NRXN1: variants seen among roughly 807,000 people sequenced by gnomAD.
NRXN1 encodes the protein neurexin-1.
NRXN1 carries 39 observed loss-of-function variants against 150.9 expected under a neutral mutation model. That is an observed-to-expected ratio of 0.26 (90% CI 0.20 to 0.34). The LOEUF (loss-of-function observed/expected upper bound fraction) is 0.34, where lower values mean the gene tolerates loss of function less well. Among genes scored for constraint, NRXN1 ranks in the 10% least tolerant of loss-of-function variants. The pLI, the probability that NRXN1 is intolerant of heterozygous loss-of-function variation, is 1.00. For synonymous variants in NRXN1, 924 were observed against 757.0 expected (o/e 1.22, Z -3.62); for missense variants, 1,815 against 1,949.9 (o/e 0.93, Z 1.30).
intron 5 of NRXN1, among the ~76,000 whole-genome samples, chr2:50,635,781 G>A (rs972597966): frequency 6.6e-6 from 1 of 152,162 alleles, no homozygotes. Flanking sequence ...TGGGAAGTGG[G>A]GAGTTAGAAG....
At chr2:50,729,031 T>C (rs1280400089) in intron 5 of NRXN1, among the ~76,000 whole-genome samples, 2 of 152,174 alleles carry the variant, frequency 1.3e-5, no homozygotes, top group Non-Finnish European at 2.9e-5. Flanking sequence ...AAGAATAATA[T>C]TATTTTACTA....
chr2:50,219,372 AG>A (rs2063636800), intron 18 of NRXN1, among the ~76,000 whole-genome samples: 1 of 149,460 alleles, frequency 6.7e-6, no homozygotes, highest in South Asian at 2.1e-4. Flanking sequence ...AAAAAAAAAA[AG>A]AGCTCTTAGA....
At chr2:50,933,094 A>G (rs1441531310) in intron 2 of NRXN1, among the ~76,000 whole-genome samples, 1 of 152,122 alleles carries the variant, frequency 6.6e-6, no homozygotes, top group East Asian at 1.9e-4. Context: ...GTCCTACTTT[A>G]AGAGCAAAAT....
intron 5 of NRXN1, among the ~76,000 whole-genome samples, chr2:50,688,255 G>C (rs1691546100): frequency 6.6e-6 from 1 of 152,154 alleles, no homozygotes; most frequent in African/African-American, 2.4e-5. Flanking sequence ...GGGTCCCCAA[G>C]TGCTTGTGGC....
chr2:50,611,780 G>C (rs949648828), intron 8 of NRXN1, among the ~76,000 whole-genome samples: 6 of 152,172 alleles, frequency 3.9e-5, no homozygotes, highest in Non-Finnish European at 8.8e-5. Context: ...TGTGCAGGCT[G>C]CCAGAGTAGG....
At chr2:49,923,322 T>A (rs759789145) in intron 22 of NRXN1, among the ~76,000 whole-genome samples, 2 of 152,152 alleles carry the variant, frequency 1.3e-5, no homozygotes, top group African/African-American at 2.4e-5. Context: ...ATTTTTTCCT[T>A]GTGAATTGTG....
intron 18 of NRXN1, among the ~76,000 whole-genome samples, chr2:50,234,109 T>C (rs971960131): frequency 1.3e-5 from 2 of 152,068 alleles, no homozygotes; most frequent in African/African-American, 4.8e-5. Context: ...TATTATTCCA[T>C]GCACCCAACA....
At chr2:50,946,799 C>T (rs1217898799) in intron 2 of NRXN1, among the ~76,000 whole-genome samples, 1 of 152,150 alleles carries the variant, frequency 6.6e-6, no homozygotes, top group East Asian at 1.9e-4. Flanking sequence ...CAGGTATCTA[C>T]TGGAGCACTA....
chr2:50,056,758 A>T (rs1693702527), intron 19 of NRXN1, among the ~76,000 whole-genome samples: 1 of 152,110 alleles, frequency 6.6e-6, no homozygotes, highest in Non-Finnish European at 1.5e-5. Context: ...CTTATAAGTG[A>T]TTTTATATAA....
intron 21 of NRXN1, among the ~76,000 whole-genome samples, chr2:49,968,709 A>G (rs1366057410): frequency 6.6e-6 from 1 of 152,154 alleles, no homozygotes; most frequent in Non-Finnish European, 1.5e-5. Flanking sequence ...CTTGAACCAC[A>G]TTAAACTCTC....
chr2:50,748,907 C>T (rs1700279703), intron 5 of NRXN1, among the ~76,000 whole-genome samples: 1 of 152,070 alleles, frequency 6.6e-6, no homozygotes. Flanking sequence ...GAGTTGAATA[C>T]AGTAAGTATG....
At chr2:50,827,021 C>A (rs1670548135) in intron 5 of NRXN1, among the ~76,000 whole-genome samples, 1 of 152,156 alleles carries the variant, frequency 6.6e-6, no homozygotes, top group South Asian at 2.1e-4. Context: ...AACATAGCAT[C>A]ATGATGCCAC....
chr2:50,026,474 G>A (rs1688297786), intron 21 of NRXN1, among the ~76,000 whole-genome samples: 1 of 152,074 alleles, frequency 6.6e-6, no homozygotes, highest in Non-Finnish European at 1.5e-5. Flanking sequence ...TATTACTCAT[G>A]TCATCAGATC....
At chr2:50,844,342 A>T (rs1165373528) in intron 5 of NRXN1, among the ~76,000 whole-genome samples, 1 of 152,146 alleles carries the variant, frequency 6.6e-6, no homozygotes, top group Non-Finnish European at 1.5e-5. Flanking sequence ...CCAATAACAA[A>T]ACTTTCTTCC....
At chr2:50,290,322 C>T (rs2072755435) in intron 17 of NRXN1, among the ~76,000 whole-genome samples, 2 of 152,084 alleles carry the variant, frequency 1.3e-5, no homozygotes, top group Non-Finnish European at 2.9e-5. Flanking sequence ...TAAACAAAAG[C>T]AATTTATTCA....
chr2:50,152,166 CA>C (rs1327753751), intron 18 of NRXN1, among the ~76,000 whole-genome samples: 2 of 151,576 alleles, frequency 1.3e-5, no homozygotes, highest in African/African-American at 4.8e-5. Flanking sequence ...TTCTATCTGG[CA>C]AAACTCTATT....
chr2:50,120,198 T>C (rs1041900267), intron 18 of NRXN1, among the ~76,000 whole-genome samples: 3 of 152,154 alleles, frequency 2.0e-5, no homozygotes, highest in Non-Finnish European at 1.5e-5. Flanking sequence ...AAAACATATA[T>C]AAGGTAGAGG....
Position 50,400,304 on chromosome 2 carries a change from G to T in NRXN1, c.3364+65138C>A, listed in dbSNP as rs2082313212. Among the ~76,000 whole-genome samples the T allele has an allele frequency of 2.0e-5, 3 of 152,056 alleles. No individual in the cohort carries two copies. The South Asian group carries it at 6.2e-4, about 32-fold the overall frequency. ...CTGAAATGGAAAACATAGCAGAACA[G>T]ACAAAATCAAGGATGATAATTGTTT... On this transcript the variant is annotated intron_variant, in intron 17 of 22. Coordinates refer to ENST00000401669, the MANE Select transcript of NRXN1 (RefSeq NM_001330078.2).
intron 18 of NRXN1, chr2:50,105,172 C>T (rs10490241): frequency 0.23 from 35,149 of 151,758 alleles, 4,274 homozygotes; most frequent in East Asian, 0.31. Context: ...GAGCTCTAGA[C>T]GCTTACCATT....
Sources: gnomAD v4.1 joint callset for allele counts (sites outside exome capture counted in the v4.1 genomes callset) on GRCh38, gnomAD v4.1.1 for gene constraint, MANE v1.5 for transcripts, NCBI Gene and HGNC (gene_info 2026-07-23, HGNC 2026-07-21) for gene names.